Variants in EPM2A observed in about 807,000 individuals in gnomAD.
EPM2A encodes laforin.
A neutral mutation model predicts 26.5 loss-of-function variants in EPM2A; 21 were observed. The observed-to-expected ratio is 0.79, with a 90% CI of 0.56 to 1.14. The LOEUF is 1.14. Among genes scored for constraint, EPM2A ranks in the 50% most tolerant of loss-of-function variants. The pLI, the probability that EPM2A is intolerant of heterozygous loss-of-function variation, is 0.00. For missense variants in EPM2A, 458 were observed against 440.8 expected (o/e 1.04, Z -0.35); for synonymous variants, 217 against 177.6 (o/e 1.22, Z -1.76).
chr6:145,567,096 G>A (rs1562385123), intron 2 of EPM2A, among the ~76,000 whole-genome samples: 1 of 152,152 alleles, frequency 6.6e-6, no homozygotes, highest in South Asian at 2.1e-4. Context: ...AGGGAAATAG[G>A]TGCAGCAGGA....
chr6:145,490,008 C>A, intron 4 of EPM2A: 1 of 1,355,362 alleles, frequency 7.4e-7, no homozygotes, highest in Non-Finnish European at 1.0e-6. Context: ...TCTGGATGGA[C>A]GTGTTCCACA....
At position 145,488,522 on chromosome 6, in the gene EPM2A, T is replaced by TGTGA. The variant is rs1201742298; in HGVS notation, c.555+13999_555+14000insTCAC. Among the ~76,000 whole-genome samples, 772 of 139,982 alleles carry TGTGA rather than the reference T, an allele frequency of 5.5e-3. 11 individuals carry two copies. Among genetic ancestry groups the TGTGA allele is most frequent in the African/African-American group, 0.021 (747 of 35,654 alleles). 91.8% of individuals were successfully genotyped at this position (139,982 alleles called of 152,430 possible). A position where few individuals can be genotyped will look rare whatever the true frequency, so the allele number is the denominator to read the frequency against. ...GTGTGTGTGTGTGTGTGTGTGTGTG[T>TGTGA]GAGAGAGAGAGAGAGAGAGAGAGAG... is the stretch of plus-strand genomic sequence containing the variant. On this transcript the variant is annotated intron_variant, in intron 4 of 4. Coordinates refer to the EPM2A transcript ENST00000638717.
At chr6:145,583,479 T>C (rs1781143558) in intron 2 of EPM2A, among the ~76,000 whole-genome samples, 1 of 152,176 alleles carries the variant, frequency 6.6e-6, no homozygotes, top group Admixed American at 6.5e-5. Flanking sequence ...GGGCTGGTAG[T>C]AGGTGCCTGG....
chr6:145,679,877 A>G (rs1035710522), intron 2 of EPM2A, among the ~76,000 whole-genome samples: 1 of 152,202 alleles, frequency 6.6e-6, no homozygotes, highest in African/African-American at 2.4e-5. Flanking sequence ...AATAGCATTT[A>G]CATAGGCATA....
At chr6:145,425,558 A>G (rs1778844157) in intron 4 of EPM2A, among the ~76,000 whole-genome samples, 1 of 151,720 alleles carries the variant, frequency 6.6e-6, no homozygotes, top group African/African-American at 2.4e-5. Flanking sequence ...AGACTATTGG[A>G]ATAGTTTGCC....
At position 145,656,138 on chromosome 6, in the gene EPM2A, C is replaced by T. The variant is rs189705521; in HGVS notation, c.477-20652G>A. 1.6e-4 allele frequency among the ~76,000 whole-genome samples: 25 copies of T among 152,286 alleles called. 1 individual carries two copies. The highest frequency in any genetic ancestry group is 1.3e-3 in the Admixed American group (20 of 15,294). On this transcript the variant is annotated intron_variant, in intron 2 of 3. Transcript: ENST00000367519. Reference sequence around the variant, plus strand: ...AAAAATGAAGCCACAGGAAGAGAAGCCTCAAGGGGGCTGACTAGAGACATA... The same window carrying T: ...AAAAATGAAGCCACAGGAAGAGAAGTCTCAAGGGGGCTGACTAGAGACATA...
At chr6:145,432,418 G>GAA (rs1238248966) in intron 4 of EPM2A, among the ~76,000 whole-genome samples, 3 of 152,124 alleles carry the variant, frequency 2.0e-5, no homozygotes, top group African/African-American at 7.2e-5. Flanking sequence ...TAGCAGGCAT[G>GAA]AAAACCACAT....
At chr6:145,505,380 TAC>T (rs965839623) in intron 2 of EPM2A, among the ~76,000 whole-genome samples, 35 of 151,068 alleles carry the variant, frequency 2.3e-4, no homozygotes, top group Non-Finnish European at 4.0e-4. Context: ...TTTTCTCTCT[TAC>T]ACACACACAC....
chr6:145,613,656 C>T (rs1487486981), intron 2 of EPM2A, among the ~76,000 whole-genome samples: 1 of 152,128 alleles, frequency 6.6e-6, no homozygotes, highest in Non-Finnish European at 1.5e-5. Flanking sequence ...TCTCCCTAGA[C>T]ATATTTATCA....
intron 4 of EPM2A, among the ~76,000 whole-genome samples, chr6:145,470,495 C>T (rs2114724722): frequency 6.6e-6 from 1 of 152,064 alleles, no homozygotes; most frequent in Non-Finnish European, 1.5e-5. Context: ...TTTAATATTC[C>T]ATTTAAAATT....
intron 4 of EPM2A, among the ~76,000 whole-genome samples, chr6:145,442,658 C>A (rs542714416): frequency 6.6e-6 from 1 of 151,396 alleles, no homozygotes; most frequent in South Asian, 2.1e-4. Flanking sequence ...GGGACACAGA[C>A]AAACCATATC....
chr6:145,616,549 C>T (rs2128553027), intron 2 of EPM2A, among the ~76,000 whole-genome samples: 1 of 152,312 alleles, frequency 6.6e-6, no homozygotes, highest in East Asian at 1.9e-4. Context: ...CCTCCAGACC[C>T]CAGAATGGTA....
At chr6:145,727,504 TG>T (rs1439347673) in intron 1 of EPM2A, among the ~76,000 whole-genome samples, 1 of 150,860 alleles carries the variant, frequency 6.6e-6, no homozygotes, top group Non-Finnish European at 1.5e-5. Flanking sequence ...AATTAGCCCA[TG>T]ATAAAAAAAA....
At chr6:145,576,585 T>C (rs1160925003) in intron 2 of EPM2A, among the ~76,000 whole-genome samples, 1 of 152,194 alleles carries the variant, frequency 6.6e-6, no homozygotes, top group African/African-American at 2.4e-5. Context: ...AAATAAAGAC[T>C]TTCCCAGAAA....
intron 2 of EPM2A, among the ~76,000 whole-genome samples, chr6:145,587,785 G>T (rs967822921): frequency 3.3e-5 from 5 of 151,910 alleles, no homozygotes; most frequent in Non-Finnish European, 5.9e-5. Context: ...CAAGAATTTG[G>T]GTTAAAGAAA....
chr6:145,406,341 T>G (rs187524296), intron 4 of EPM2A, among the ~76,000 whole-genome samples: 1 of 152,302 alleles, frequency 6.6e-6, no homozygotes, highest in East Asian at 1.9e-4. Flanking sequence ...TTTTTCTTTT[T>G]ACATACAAAA....
intron 1 of EPM2A, among the ~76,000 whole-genome samples, chr6:145,726,066 C>T (rs1776189655): frequency 6.6e-6 from 1 of 151,956 alleles, no homozygotes; most frequent in South Asian, 2.1e-4. Context: ...GAGAAATGTC[C>T]AATTTTAGCG....
chr6:145,401,408 A>T (rs1379762664), intron 4 of EPM2A, among the ~76,000 whole-genome samples: 1 of 152,096 alleles, frequency 6.6e-6, no homozygotes, highest in East Asian at 1.9e-4. Context: ...TACATTAAGG[A>T]TGGATAGTAA....
chr6:145,416,004 T>C (rs2202849), intron 4 of EPM2A, among the ~76,000 whole-genome samples: 132,677 of 152,198 alleles, frequency 0.87, 58,042 homozygotes, highest in East Asian at 1. Flanking sequence ...GCTTTGGTTG[T>C]ACTGTGCTCT....
Sources: allele counts gnomAD v4.1 joint callset (sites outside exome capture counted in the v4.1 genomes callset), GRCh38; gene constraint gnomAD v4.1.1; transcripts MANE v1.5; gene names NCBI Gene and HGNC (gene_info 2026-07-23, HGNC 2026-07-21).